The following NT5C2 variants were observed in gnomAD, a reference collection of about 807,000 sequenced individuals.
NT5C2 encodes the protein cytosolic purine 5'-nucleotidase.
In NT5C2, 58 loss-of-function variants were observed where a neutral mutation model predicts 76.1. That is an observed-to-expected ratio of 0.76 (90% CI 0.62 to 0.95). NT5C2 has a LOEUF of 0.95. Ranked by LOEUF, NT5C2 falls within the 40% of genes least tolerant of loss-of-function variation. NT5C2 has a pLI of 0.00. For synonymous variants in NT5C2, 229 were observed against 237.4 expected (o/e 0.96, Z 0.32); for missense variants, 478 against 690.3 (o/e 0.69, Z 3.45).
chr10:103,135,681 A>C (rs1046018445), intron 4 of NT5C2, among the ~76,000 whole-genome samples: 11 of 152,164 alleles, frequency 7.2e-5, no homozygotes, highest in Admixed American at 6.5e-4. Context: ...CCAGCTACTC[A>C]GGAGGCTGAG....
chr10:103,126,663 C>A (rs553909566), intron 4 of NT5C2, among the ~76,000 whole-genome samples: 1 of 152,234 alleles, frequency 6.6e-6, no homozygotes, highest in African/African-American at 2.4e-5. Context: ...CCACTCTTGG[C>A]CAGTGGTAAA....
chr10:103,137,914 G>C (rs2079601006), intron 4 of NT5C2, among the ~76,000 whole-genome samples: 1 of 152,138 alleles, frequency 6.6e-6, no homozygotes, highest in Non-Finnish European at 1.5e-5. Context: ...AAAAGCTAAT[G>C]GCTCTAGTTT....
chr10:103,092,879 A>G (rs2067266438), intron 15 of NT5C2, among the ~76,000 whole-genome samples: 1 of 146,938 alleles, frequency 6.8e-6, no homozygotes, highest in Non-Finnish European at 1.5e-5. Context: ...TTACTGTAAC[A>G]CAACTCAAGA....
rs1424742518 is a variant in NT5C2, at chr10:103,188,861, GCA to G, written c.-169+4373_-169+4374del. Among the ~76,000 whole-genome samples, 12 of 152,162 alleles carry G rather than the reference GCA, an allele frequency of 7.9e-5. No homozygotes were observed. The East Asian group carries it at 2.1e-3, about 27-fold the overall frequency. On this transcript the variant is annotated intron_variant, in intron 1 of 18. Coordinates refer to ENST00000404739, the MANE Select transcript of NT5C2 (RefSeq NM_001351169.2). ...TACCGAAAACACAAAAATTAGCCGG[GCA>G]CAGTGTCACATGCCTGTATTCTCAG...
intron 4 of NT5C2, among the ~76,000 whole-genome samples, chr10:103,114,148 C>T (rs2073765233): frequency 6.6e-6 from 1 of 152,244 alleles, no homozygotes; most frequent in Admixed American, 6.5e-5. Context: ...GGCTTGGTGG[C>T]TCACGCCTGT....
At chr10:103,166,856 T>C (rs1234796011) in intron 3 of NT5C2, among the ~76,000 whole-genome samples, 1 of 152,108 alleles carries the variant, frequency 6.6e-6, no homozygotes, top group Non-Finnish European at 1.5e-5. Flanking sequence ...TATCATTATG[T>C]TCCCCAGGCT....
intron 2 of NT5C2, 124 bp downstream of exon 2, chr10:103,181,061 G>A (rs1028254455): frequency 6.6e-6 from 1 of 152,116 alleles, no homozygotes; most frequent in Non-Finnish European, 1.5e-5. Context: ...TATTACAAAG[G>A]AGCCCAGGAA....
intron 4 of NT5C2, among the ~76,000 whole-genome samples, chr10:103,134,226 G>C (rs908991846): frequency 6.6e-6 from 1 of 152,040 alleles, no homozygotes; most frequent in Admixed American, 6.5e-5. Context: ...TGTCTCCAGG[G>C]CATGTCAGAA....
chr10:103,149,431 C>T (rs578228179), intron 3 of NT5C2, among the ~76,000 whole-genome samples: 1 of 152,248 alleles, frequency 6.6e-6, no homozygotes, highest in African/African-American at 2.4e-5. Flanking sequence ...ATAATGGGAG[C>T]AGGATGGTAG....
intron 3 of NT5C2, 43 bp downstream of exon 3, chr10:103,174,815 C>G: frequency 7.7e-7 from 1 of 1,297,298 alleles, no homozygotes; most frequent in Non-Finnish European, 1.1e-6. Context: ...TGAAGTCCCA[C>G]TTCATAGAGG....
intron 4 of NT5C2, among the ~76,000 whole-genome samples, chr10:103,137,212 G>A (rs1198480211): frequency 7.3e-6 from 1 of 136,234 alleles, no homozygotes. Context: ...CTTGAAAGAA[G>A]AGACTATAGA....
chr10:103,097,495 A>C, intron 10 of NT5C2, 121 bp from the exon 11 acceptor site: 1 of 755,654 alleles, frequency 1.3e-6, no homozygotes, highest in South Asian at 1.7e-5. Flanking sequence ...GGGTTAGCTG[A>C]TTTCAGAATT....
At chr10:103,102,531 CTTTT>C (rs775499358) in intron 6 of NT5C2, among the ~76,000 whole-genome samples, 1 of 143,904 alleles carries the variant, frequency 6.9e-6, no homozygotes, top group Admixed American at 7.0e-5. Flanking sequence ...TTTCTTTTTT[CTTTT>C]TTTTTTTTTG....
In NT5C2 at chr10:103,094,755, G is replaced by A. The variant is rs569982180; in HGVS notation, c.814-300C>T. On this transcript the variant is annotated intron_variant, in intron 12 of 18. Coordinates refer to ENST00000404739, the MANE Select transcript of NT5C2 (RefSeq NM_001351169.2). ...AAATTAGCCGGGCGTGGTGGCGGGCGCCTGTAGTCCCAGCTACTTGGGAGG... is the reference window on the plus strand; with the variant it reads ...AAATTAGCCGGGCGTGGTGGCGGGCACCTGTAGTCCCAGCTACTTGGGAGG... Among the ~76,000 whole-genome samples, 5 of 151,996 alleles carry A rather than the reference G, an allele frequency of 3.3e-5. No individual in the cohort carries two copies. In the South Asian group the frequency reaches 8.3e-4, roughly 25 times the overall value.
intron 1 of NT5C2, among the ~76,000 whole-genome samples, chr10:103,192,038 T>C (rs2092681859): frequency 6.6e-6 from 1 of 152,094 alleles, no homozygotes. Context: ...GATGTCTTCA[T>C]CTGGATAAAT....
intron 3 of NT5C2, among the ~76,000 whole-genome samples, chr10:103,152,014 A>T (rs1308867499): frequency 2.6e-5 from 4 of 152,208 alleles, no homozygotes; most frequent in Admixed American, 6.5e-5. Context: ...AGTCTAACAT[A>T]TACTTTACCA....
At chr10:103,121,374 T>C (rs1413880502) in intron 4 of NT5C2, among the ~76,000 whole-genome samples, 2 of 152,240 alleles carry the variant, frequency 1.3e-5, no homozygotes, top group Non-Finnish European at 2.9e-5. Context: ...TTTCTTGCTT[T>C]AAATAGTTTT....
At chr10:103,099,288 T>A (rs2068954670) in intron 9 of NT5C2, among the ~76,000 whole-genome samples, 1 of 152,198 alleles carries the variant, frequency 6.6e-6, no homozygotes, top group Non-Finnish European at 1.5e-5. Context: ...TTGCCCAGGC[T>A]AGTCTTGAAC....
intron 1 of NT5C2, among the ~76,000 whole-genome samples, chr10:103,184,080 G>C (rs1402056770): frequency 6.6e-6 from 1 of 151,792 alleles, no homozygotes; most frequent in African/African-American, 2.4e-5. Context: ...AGCCTCCCAA[G>C]TAGCTGGGAT....
Sources: gnomAD v4.1 joint callset for allele counts (sites outside exome capture counted in the v4.1 genomes callset) on GRCh38, gnomAD v4.1.1 for gene constraint, MANE v1.5 for transcripts, NCBI Gene and HGNC (gene_info 2026-07-23, HGNC 2026-07-21) for gene names.